Variants in ATP10A observed in about 807,000 individuals in gnomAD.
ATP10A encodes the protein phospholipid-transporting ATPase VA.
A neutral mutation model predicts 147.8 loss-of-function variants in ATP10A; 111 were observed. The observed-to-expected ratio is 0.75, with a 90% confidence interval of 0.64 to 0.88. The LOEUF is 0.88. Ranked by LOEUF, ATP10A falls within the 40% of genes least tolerant of loss-of-function variation. The pLI is 0.00. For missense variants in ATP10A, 1,927 were observed against 1,959.0 expected (o/e 0.98, Z 0.31); for synonymous variants, 875 against 841.6 (o/e 1.04, Z -0.69).
At chr15:25,709,444 T>C (rs183443585) in intron 10 of ATP10A, 4 of 152,350 alleles carry the variant, frequency 2.6e-5, no homozygotes, top group East Asian at 3.9e-4. Flanking sequence ...GAAATACTCT[T>C]GATAAAGCTG....
rs564377788 is a variant in ATP10A, at chr15:25,771,053, G to A, written c.654+9966C>T. Among the ~76,000 whole-genome samples the A allele has an allele frequency of 7.2e-5, 11 of 152,252 alleles. 2 individuals are homozygous for A. In the South Asian group the frequency reaches 1.9e-3, roughly 26 times the overall value. On this transcript the variant is annotated intron_variant, in intron 2 of 20. Coordinates refer to ENST00000555815, the MANE Select transcript of ATP10A (RefSeq NM_024490.4). ...TAGAAAGTGCATGCTGTTTATAAGC[G>A]GTAGTGGTTTTCCTTTTCAGCCCGC...
chr15:25,842,603 C>T (rs1473122514), intron 1 of ATP10A, among the ~76,000 whole-genome samples: 1 of 152,070 alleles, frequency 6.6e-6, no homozygotes, highest in East Asian at 1.9e-4. Flanking sequence ...CTATAGGAGC[C>T]AAATGATTTT....
intron 2 of ATP10A, among the ~76,000 whole-genome samples, chr15:25,749,191 T>C (rs1205840556): frequency 6.6e-6 from 1 of 152,122 alleles, no homozygotes; most frequent in Non-Finnish European, 1.5e-5. Flanking sequence ...ATTTACTACA[T>C]GTAAACACAC....
At chr15:25,749,456 T>C (rs1336231102) in intron 2 of ATP10A, among the ~76,000 whole-genome samples, 1 of 152,150 alleles carries the variant, frequency 6.6e-6, no homozygotes, top group African/African-American at 2.4e-5. Context: ...CTTAGGAAAG[T>C]CTTGCCTCAG....
intron 2 of ATP10A, among the ~76,000 whole-genome samples, chr15:25,740,521 C>T (rs891347256): frequency 2.6e-5 from 4 of 152,188 alleles, no homozygotes; most frequent in African/African-American, 4.8e-5. Context: ...AGCAAGAAGA[C>T]GTGGAAAACA....
intron 14 of ATP10A, among the ~76,000 whole-genome samples, chr15:25,694,297 G>A (rs190700798): frequency 6.6e-6 from 1 of 152,376 alleles, no homozygotes; most frequent in East Asian, 1.9e-4. Flanking sequence ...CGTATCTGAT[G>A]ATGGACTTAT....
intron 2 of ATP10A, among the ~76,000 whole-genome samples, chr15:25,744,294 C>G (rs1209265014): frequency 6.6e-6 from 1 of 152,086 alleles, no homozygotes; most frequent in Non-Finnish European, 1.5e-5. Flanking sequence ...CCCCTAGATA[C>G]TAAACAAAAC....
intron 16 of ATP10A, among the ~76,000 whole-genome samples, chr15:25,686,249 G>GGTCTA (rs369363513): frequency 9.1e-6 from 1 of 109,694 alleles, no homozygotes; most frequent in Non-Finnish European, 1.7e-5. Context: ...GGCAGGTGTA[G>GGTCTA]CCTCCAGAAA....
intron 1 of ATP10A, among the ~76,000 whole-genome samples, chr15:25,782,137 G>C (rs1889956004): frequency 6.6e-6 from 1 of 152,166 alleles, no homozygotes; most frequent in African/African-American, 2.4e-5. Context: ...TGAAGACATT[G>C]TGCCAAGTAA....
chr15:25,765,164 C>T (rs147264843), intron 2 of ATP10A, among the ~76,000 whole-genome samples: 1 of 152,254 alleles, frequency 6.6e-6, no homozygotes, highest in African/African-American at 2.4e-5. Flanking sequence ...CAGCACAACA[C>T]AGGGGGGCGG....
Position 25,716,909 on chromosome 15 carries a change from G to T in ATP10A, c.1597C>A (p.Pro533Thr). The T allele has an allele frequency of 6.3e-7, 1 of 1,583,102 alleles. No homozygotes were observed. Residue 533 changes from proline (P) to threonine (T), a missense_variant, in exon 9 of 21, where the codon CCC becomes ACC. Transcript: ENST00000555815. ...FSSPMEKDIT[P>T]DPKLLEKVSE... ...ACCTTCTCCAGCAGCTTTGGGTCGG[G>T]CGTGATATCCTTCTCCTGGGAGAAA...
intron 1 of ATP10A, among the ~76,000 whole-genome samples, chr15:25,833,509 C>A (rs917970112): frequency 4.0e-4 from 61 of 152,040 alleles, no homozygotes; most frequent in African/African-American, 1.4e-3. Flanking sequence ...AGTAGAGTAC[C>A]CCTACCACAC....
intron 1 of ATP10A, among the ~76,000 whole-genome samples, chr15:25,824,898 T>C (rs1227364201): frequency 1.3e-5 from 2 of 152,164 alleles, no homozygotes; most frequent in Non-Finnish European, 2.9e-5. Flanking sequence ...CTGTGGTTCA[T>C]GCCTGTAATC....
chr15:25,716,809 G>C lies in ATP10A; in HGVS notation c.1697C>G (p.Ser566Cys). 2 of 1,610,912 alleles carry C rather than the reference G, an allele frequency of 1.2e-6. No homozygotes were observed. The highest frequency in any genetic ancestry group is 1.7e-6 in the Non-Finnish European group (2 of 1,178,696). ...HLLAHLSPEL[S>C]DVFDFFIALT... ...TGCGATGAAGAAATCAAAGACGTCA[G>C]ACAGCTCAGGCGAGAGGTGGGCCAG... The change falls in exon 9 of 21, where the codon TCT becomes TGT. Residue 566 changes from serine to cysteine, a missense_variant. Transcript: ENST00000555815.
chr15:25,790,333 C>T (rs1369325249), intron 1 of ATP10A, among the ~76,000 whole-genome samples: 2 of 152,156 alleles, frequency 1.3e-5, no homozygotes, highest in Non-Finnish European at 2.9e-5. Context: ...TATGTCTCCT[C>T]GAGGTGATGT....
intron 1 of ATP10A, among the ~76,000 whole-genome samples, chr15:25,813,045 C>G (rs541061901): frequency 6.6e-6 from 1 of 152,176 alleles, no homozygotes; most frequent in South Asian, 2.1e-4. Flanking sequence ...CACGGAGACA[C>G]GGGCAGATGA....
Position 25,811,001 on chromosome 15 carries a change from G to A in ATP10A, c.450-29778C>T, listed in dbSNP as rs192598929. ...ATGAAGCTGGGGCTGGAAGGAGGCGGGAGGATCATGTTACATGGCGGGGTC... is the reference window on the plus strand; with the variant it reads ...ATGAAGCTGGGGCTGGAAGGAGGCGAGAGGATCATGTTACATGGCGGGGTC... On this transcript the variant is annotated intron_variant, in intron 1 of 20. Coordinates refer to ENST00000555815, the MANE Select transcript of ATP10A (RefSeq NM_024490.4). 6.0e-4 allele frequency among the ~76,000 whole-genome samples: 92 copies of A among 152,324 alleles called. 1 individual carries two copies. The East Asian group carries it at 9.3e-3, about 15-fold the overall frequency.
chr15:25,726,487 G>A (rs1413668139), intron 4 of ATP10A, among the ~76,000 whole-genome samples: 7 of 151,156 alleles, frequency 4.6e-5, no homozygotes, highest in Non-Finnish European at 8.8e-5. Context: ...TGTTGCCCAG[G>A]CTGGAGTGCA....
At chr15:25,770,774 T>C (rs948855977) in intron 2 of ATP10A, among the ~76,000 whole-genome samples, 1 of 152,028 alleles carries the variant, frequency 6.6e-6, no homozygotes, top group Admixed American at 6.5e-5. Flanking sequence ...GCAGGGCAAA[T>C]GCACCTGACA....
Sources: gnomAD v4.1 joint callset for allele counts (sites outside exome capture counted in the v4.1 genomes callset) on GRCh38, gnomAD v4.1.1 for gene constraint, MANE v1.5 for transcripts, NCBI Gene and HGNC (gene_info 2026-07-23, HGNC 2026-07-21) for gene names.